SLC2A11: variants seen among roughly 807,000 people sequenced by gnomAD.
The protein encoded by SLC2A11 is solute carrier family 2, facilitated glucose transporter member 11.
Under a neutral mutation model 52.1 loss-of-function variants are expected in SLC2A11, and 43 were observed. That is an observed-to-expected ratio of 0.82 (90% CI 0.65 to 1.06). The LOEUF (loss-of-function observed/expected upper bound fraction) is 1.06, where lower values mean the gene tolerates loss of function less well. Ranked by LOEUF, SLC2A11 falls within the 50% of genes least tolerant of loss-of-function variation. The probability of loss-of-function intolerance (pLI) is 0.00; values close to 1 mark genes in which losing one functional copy is unlikely to be tolerated. For missense variants in SLC2A11, 582 were observed against 654.2 expected, an observed-to-expected ratio of 0.89 and a Z score of 1.20; for synonymous variants, 261 against 277.6, an observed-to-expected ratio of 0.94 and a Z score of 0.59.
intron 8 of SLC2A11, chr22:23,883,514 A>G: frequency 2.1e-6 from 1 of 470,846 alleles, no homozygotes; most frequent in Non-Finnish European, 3.7e-6. Context: ...TCAATCAATC[A>G]ATGCAGTGAG....
At chr22:23,875,637 T>C (rs1156738755) in intron 4 of SLC2A11, among the ~76,000 whole-genome samples, 3 of 152,174 alleles carry the variant, frequency 2.0e-5, no homozygotes, top group Admixed American at 2.0e-4. Context: ...TCTGGGGCTT[T>C]TCATGTGAGA....
chr22:23,868,205 T>C, intron 2 of SLC2A11: 1 of 495,902 alleles, frequency 2.0e-6, no homozygotes, highest in Non-Finnish European at 3.6e-6. Flanking sequence ...ATTGTGTGAG[T>C]AGAGAGAAAT....
Position 23,884,395 on chromosome 22 carries a change from TC to T in SLC2A11, c.1266del (p.Ile423SerfsTer110). 6.2e-7 allele frequency: 1 copy of T among 1,613,990 alleles called. No individual in the cohort carries two copies. The highest frequency in any genetic ancestry group is 8.5e-7 in the Non-Finnish European group (1 of 1,179,988). On this transcript the variant is annotated frameshift_variant, in exon 11 of 12. Coordinates refer to ENST00000316185, the MANE Select transcript of SLC2A11 (RefSeq NM_001024939.4). LOFTEE classifies it low-confidence loss of function (END_TRUNC). The surrounding 1 kb of genome is among the most constrained non-coding windows in gnomAD (Gnocchi z 4.3). Reference protein sequence around the residue: ...MVCGALMWIMLILVGLGFPFI... With the variant: ...MVCGALMWIMXILVGLGFPFI... ...TGCGGGGCGCTCATGTGGATCATGC[TC>T]ATCCTGGTCGGCCTGGGATTTCCCT...
chr22:23,862,054 G>C (rs774359574), intron 1 of SLC2A11, 50 bp from the exon 2 acceptor site: 8 of 1,464,622 alleles, frequency 5.5e-6, no homozygotes, highest in East Asian at 4.5e-5. Context: ...GGTCCAGGGA[G>C]GGGGTGGAGG....
At chr22:23,870,339 G>T (rs1436178443) in intron 3 of SLC2A11, 3 of 359,566 alleles carry the variant, frequency 8.3e-6, no homozygotes, top group Non-Finnish European at 1.5e-5. Context: ...CAGGACAGGG[G>T]GATGTAGTTC....
chr22:23,866,924 TG>T (rs1408070506), intron 2 of SLC2A11: 1 of 152,266 alleles, frequency 6.6e-6, no homozygotes, highest in African/African-American at 2.4e-5. Flanking sequence ...TAGGTCCCCT[TG>T]AGAGGATCGC....
intron 8 of SLC2A11, chr22:23,883,242 A>G (rs2032890996): frequency 1.4e-5 from 5 of 370,270 alleles, no homozygotes; most frequent in Admixed American, 3.9e-5. Flanking sequence ...AGCCCAGGCA[A>G]TAGTGCTGAG....
intron 3 of SLC2A11, chr22:23,872,817 G>A (rs574848641): frequency 2.6e-5 from 4 of 152,344 alleles, no homozygotes; most frequent in South Asian, 4.2e-4. Flanking sequence ...CAGGAACTTC[G>A]TTGGAGTGGC....
intron 3 of SLC2A11, chr22:23,870,693 T>A (rs2032423276): frequency 6.6e-6 from 1 of 152,106 alleles, no homozygotes; most frequent in South Asian, 2.1e-4. Flanking sequence ...TTTTATTTTT[T>A]ATTTTTTATT....
At chr22:23,869,759 G>A in intron 3 of SLC2A11, 1 of 513,430 alleles carries the variant, frequency 1.9e-6, no homozygotes. Context: ...AGTTCTGGAG[G>A]CTGTGAAGTC....
At position 23,883,940 on chromosome 22, in the gene SLC2A11, C is replaced by T. The variant is rs1426168304; in HGVS notation, c.1096-9C>T. ...GACTTCCACCTCACCCCCGCCCCGT[C>T]CACGGCAGAGCTCCTTCCCCTGGAC... On this transcript the variant is annotated splice_polypyrimidine_tract_variant and intron_variant, in intron 9 of 11. Coordinates refer to ENST00000316185, the MANE Select transcript of SLC2A11 (RefSeq NM_001024939.4). 9 of 1,612,712 alleles carry T rather than the reference C, an allele frequency of 5.6e-6. No homozygotes were observed. The South Asian group carries it at 9.9e-5, about 18-fold the overall frequency.
At chr22:23,857,300 C>A, upstream of SLC2A11, 1 of 943,642 alleles carries the variant, frequency 1.1e-6, no homozygotes, top group African/African-American at 1.6e-5. Flanking sequence ...GGGGCCAGAG[C>A]CGGAATTTCG....
At chr22:23,874,622 T>A (rs2032556466) in intron 3 of SLC2A11, among the ~76,000 whole-genome samples, 1 of 152,146 alleles carries the variant, frequency 6.6e-6, no homozygotes, top group South Asian at 2.1e-4. Context: ...GCTAATTTTG[T>A]ATTTTTTTTA....
intron 7 of SLC2A11, 28 bp downstream of exon 7, chr22:23,882,674 TGGGCCCCGG>T (rs2032863336): frequency 1.2e-6 from 2 of 1,607,580 alleles, no homozygotes; most frequent in Non-Finnish European, 1.7e-6. Flanking sequence ...CCGCACACCC[TGGGCCCCGG>T]GGGCTTGGTG....
At chr22:23,871,283 C>G (rs1015656296) in intron 3 of SLC2A11, 1 of 149,424 alleles carries the variant, frequency 6.7e-6, no homozygotes, top group African/African-American at 2.5e-5. Context: ...GTGGAGACGC[C>G]TGTAATCCCA....
intron 6 of SLC2A11, 108 bp downstream of exon 6, chr22:23,877,977 C>T (rs1325474120): frequency 7.6e-7 from 1 of 1,321,580 alleles, no homozygotes; most frequent in Non-Finnish European, 1.0e-6. Flanking sequence ...GAAAAGCTAT[C>T]CCTCTCTTTG....
chr22:23,858,211 GC>G, intron 1 of SLC2A11, 182 bp downstream of exon 1: 1 of 987,998 alleles, frequency 1.0e-6, no homozygotes, highest in Non-Finnish European at 1.6e-6. Flanking sequence ...AGGTGTTTAC[GC>G]CCAGGGTCGG....
At chr22:23,857,549 G>A, upstream of SLC2A11, 1 of 1,607,362 alleles carries the variant, frequency 6.2e-7, no homozygotes, top group Non-Finnish European at 8.5e-7. Flanking sequence ...CCCAGCGGCG[G>A]CGACAAACCC....
rs755391238 is a variant in SLC2A11 at position 23,882,466 on chromosome 22, G to A, written c.702G>A (p.Arg234=). The A allele has an allele frequency of 1.9e-5, 29 of 1,541,094 alleles. No homozygotes were observed. The highest frequency in any genetic ancestry group is 2.4e-5 in the Non-Finnish European group (27 of 1,145,478). Residue 234 remains arginine, a synonymous_variant, in exon 7 of 12, where the codon CGG becomes CGA. Transcript: ENST00000316185. ...CCCTCCTCCCTGGCTCAGCACTACG[G>A]CGGCTCCGGGGCTCCGGGGACTTGG... ...GDTEACLAAL[R]RLRGSGDLAG...
Sources: gnomAD v4.1 joint callset for allele counts (sites outside exome capture counted in the v4.1 genomes callset) on GRCh38, gnomAD v4.1.1 for gene constraint, Gnocchi (gnomAD v3.1) non-coding constraint, MANE v1.5 for transcripts, NCBI Gene and HGNC (gene_info 2026-07-23, HGNC 2026-07-21) for gene names.